HMBOX1: variants seen among roughly 807,000 people sequenced by gnomAD.
HMBOX1 encodes the protein homeobox-containing protein 1.
Under a neutral mutation model 54.5 loss-of-function variants are expected in HMBOX1, and 14 were observed. That is an observed-to-expected ratio of 0.26 (90% CI 0.17 to 0.40). HMBOX1 has a LOEUF of 0.40. Among genes scored for constraint, HMBOX1 ranks in the 10% least tolerant of loss-of-function variants. HMBOX1 has a pLI of 1.00. For missense variants in HMBOX1, 332 were observed against 514.4 expected, an observed-to-expected ratio of 0.65 and a Z score of 3.43; for synonymous variants, 160 against 181.0, an observed-to-expected ratio of 0.88 and a Z score of 0.93.
intron 1 of HMBOX1, among the ~76,000 whole-genome samples, chr8:28,953,875 A>C (rs1344537446): frequency 6.6e-6 from 1 of 152,184 alleles, no homozygotes; most frequent in East Asian, 1.9e-4. Context: ...ACTGATTTTA[A>C]AGAACCACCA....
chr8:29,018,700 A>G lies in HMBOX1; in HGVS notation c.698-60A>G. ...ACTTCCCTAGTCCCATAGGAAGTAGATGTTATATTGTTTTAAATAAACTGC... is the reference window on the plus strand; with the variant it reads ...ACTTCCCTAGTCCCATAGGAAGTAGGTGTTATATTGTTTTAAATAAACTGC... On this transcript the variant is annotated intron_variant, in intron 5 of 9. Coordinates refer to ENST00000287701, the MANE Select transcript of HMBOX1 (RefSeq NM_001135726.3). 2.0e-6 allele frequency: 3 copies of G among 1,535,334 alleles called. No individual in the cohort carries two copies. The South Asian group carries it at 3.5e-5, about 18-fold the overall frequency.
intron 1 of HMBOX1, chr8:28,949,597 A>G (rs1823045872): frequency 1.3e-5 from 2 of 152,184 alleles, no homozygotes; most frequent in Non-Finnish European, 2.9e-5. Context: ...AACCCTTAAG[A>G]TGATCTTACT....
At chr8:28,914,054 G>GT in intron 1 of HMBOX1, among the ~76,000 whole-genome samples, 1 of 151,880 alleles carries the variant, frequency 6.6e-6, no homozygotes, top group East Asian at 2.0e-4. Flanking sequence ...TATTTTTAGA[G>GT]ACGGGGTTTC....
chr8:29,018,189 C>A (rs1308485476), intron 5 of HMBOX1, among the ~76,000 whole-genome samples: 1 of 152,138 alleles, frequency 6.6e-6, no homozygotes, highest in African/African-American at 2.4e-5. Flanking sequence ...TAGCTTCTAG[C>A]CTAGAGCAAG....
intron 4 of HMBOX1, among the ~76,000 whole-genome samples, chr8:29,002,132 C>A (rs1832758424): frequency 6.6e-6 from 1 of 152,152 alleles, no homozygotes; most frequent in Non-Finnish European, 1.5e-5. Flanking sequence ...AGGTTGCAGT[C>A]ATCTGGAGGC....
intron 1 of HMBOX1, among the ~76,000 whole-genome samples, chr8:28,920,565 C>T (rs1295277967): frequency 6.6e-6 from 1 of 152,132 alleles, no homozygotes; most frequent in Non-Finnish European, 1.5e-5. Flanking sequence ...TGCCCTCATA[C>T]CCAAATATTT....
At chr8:28,904,352 A>G (rs543977060) in intron 1 of HMBOX1, among the ~76,000 whole-genome samples, 6 of 151,498 alleles carry the variant, frequency 4.0e-5, no homozygotes, top group African/African-American at 7.3e-5. Flanking sequence ...GGTTCAAGCA[A>G]TTCTCCTGCC....
At chr8:28,979,813 C>T (rs951537885) in intron 3 of HMBOX1, among the ~76,000 whole-genome samples, 1 of 152,170 alleles carries the variant, frequency 6.6e-6, no homozygotes, top group Admixed American at 6.5e-5. Flanking sequence ...ATGTGATTAA[C>T]CATCCTCTGG....
At chr8:29,005,971 A>G (rs1833390910) in intron 4 of HMBOX1, among the ~76,000 whole-genome samples, 1 of 149,840 alleles carries the variant, frequency 6.7e-6, no homozygotes, top group Non-Finnish European at 1.5e-5. Flanking sequence ...ATGTGTAGCT[A>G]TCACAGTTGA....
chr8:28,924,165 G>A (rs536035430), intron 1 of HMBOX1, among the ~76,000 whole-genome samples: 37 of 150,558 alleles, frequency 2.5e-4, no homozygotes, highest in Admixed American at 2.4e-3. Context: ...GGAGTGCAGT[G>A]GAATGATCTT....
At chr8:28,918,021 G>C (rs1030709277) in intron 1 of HMBOX1, among the ~76,000 whole-genome samples, 2 of 152,022 alleles carry the variant, frequency 1.3e-5, no homozygotes, top group Non-Finnish European at 2.9e-5. Flanking sequence ...AATGATTTGG[G>C]AAATTCTTTC....
rs1379410130 is a variant in HMBOX1 at position 28,909,748 on chromosome 8, A to G, written c.-58+19070A>G. Reference sequence around the variant, plus strand: ...AAGAAACAACAAACTTTACTGACATATAATTTATTTGGTGTAAAATTCATC... The same window carrying G: ...AAGAAACAACAAACTTTACTGACATGTAATTTATTTGGTGTAAAATTCATC... On this transcript the variant is annotated intron_variant, in intron 1 of 9. Transcript: ENST00000287701. Among the ~76,000 whole-genome samples, 3 of 152,186 alleles carry G rather than the reference A, an allele frequency of 2.0e-5. No individual in the cohort carries two copies. The East Asian group carries it at 5.8e-4, about 29-fold the overall frequency.
chr8:28,905,440 A>G (rs996864052), intron 1 of HMBOX1, among the ~76,000 whole-genome samples: 4 of 152,216 alleles, frequency 2.6e-5, no homozygotes, highest in African/African-American at 9.6e-5. Flanking sequence ...TTTCAGTTGA[A>G]TTTTGTTTTA....
chr8:28,919,933 A>T (rs1817242874), intron 1 of HMBOX1, among the ~76,000 whole-genome samples: 1 of 152,020 alleles, frequency 6.6e-6, no homozygotes, highest in Non-Finnish European at 1.5e-5. Context: ...TCAAAAGTGT[A>T]TTTCAAATGC....
intron 1 of HMBOX1, among the ~76,000 whole-genome samples, chr8:28,932,103 A>G (rs760371364): frequency 6.6e-6 from 1 of 152,236 alleles, no homozygotes; most frequent in African/African-American, 2.4e-5. Context: ...CCTGAGTAAT[A>G]AGAAGGAATC....
chr8:28,969,977 C>A, intron 2 of HMBOX1, 66 bp from the exon 3 acceptor site: 1 of 962,936 alleles, frequency 1.0e-6, no homozygotes, highest in Non-Finnish European at 1.6e-6. Flanking sequence ...TCTGAGCATT[C>A]TGTATAATAT....
At chr8:28,987,602 G>T (rs1464338312) in intron 4 of HMBOX1, among the ~76,000 whole-genome samples, 2 of 152,122 alleles carry the variant, frequency 1.3e-5, no homozygotes, top group Non-Finnish European at 2.9e-5. Context: ...ATGCAGTAAA[G>T]AATTATCCTA....
At chr8:28,952,278 C>T (rs755844032) in intron 1 of HMBOX1, among the ~76,000 whole-genome samples, 20 of 152,020 alleles carry the variant, frequency 1.3e-4, no homozygotes, top group African/African-American at 2.2e-4. Context: ...CTGTCACCCA[C>T]GCTGGAGTGC....
chr8:29,045,553 A>C, intron 7 of HMBOX1, 110 bp downstream of exon 7: 1 of 818,328 alleles, frequency 1.2e-6, no homozygotes, highest in Non-Finnish European at 2.1e-6. Context: ...CTCCCGGCTC[A>C]GTCTGTGCCA....
Sources: gnomAD v4.1 joint callset for allele counts (sites outside exome capture counted in the v4.1 genomes callset) on GRCh38, gnomAD v4.1.1 for gene constraint, MANE v1.5 for transcripts, NCBI Gene and HGNC (gene_info 2026-07-23, HGNC 2026-07-21) for gene names.